Variants in PARD3 observed in about 807,000 individuals in gnomAD.
The protein encoded by PARD3 is partitioning defective 3 homolog.
Under a neutral mutation model 155.4 loss-of-function variants are expected in PARD3, and 75 were observed. That is an observed-to-expected ratio of 0.48 (90% CI 0.40 to 0.58). The LOEUF (loss-of-function observed/expected upper bound fraction) is 0.58. Among genes scored for constraint, PARD3 ranks in the 20% least tolerant of loss-of-function variants. The pLI, the probability that PARD3 is intolerant of heterozygous loss-of-function variation, is 0.00. For synonymous variants in PARD3, 576 were observed against 610.5 expected (o/e 0.94, Z 0.83); for missense variants, 1,642 against 1,721.7 (o/e 0.95, Z 0.82).
chr10:34,758,375 A>G, intron 1 of PARD3, among the ~76,000 whole-genome samples: 1 of 152,202 alleles, frequency 6.6e-6, no homozygotes, highest in East Asian at 1.9e-4. Flanking sequence ...AGAGGTAAGC[A>G]ATTTTTCCAA....
chr10:34,560,556 A>T (rs563917722), intron 2 of PARD3, among the ~76,000 whole-genome samples: 1 of 152,234 alleles, frequency 6.6e-6, no homozygotes, highest in African/African-American at 2.4e-5. Context: ...TATGAGATGC[A>T]TTTTCACAAT....
intron 2 of PARD3, among the ~76,000 whole-genome samples, chr10:34,592,994 C>T (rs2088864451): frequency 6.6e-6 from 1 of 152,132 alleles, no homozygotes. Flanking sequence ...GCTACACATG[C>T]AGAAGGGAAT....
intron 19 of PARD3, among the ~76,000 whole-genome samples, chr10:34,329,884 C>A (rs1294479345): frequency 2.0e-5 from 3 of 151,934 alleles, no homozygotes; most frequent in Admixed American, 2.0e-4. Flanking sequence ...AAGCATTATA[C>A]GTATAAGCAA....
At chr10:34,644,256 C>T (rs1278321817) in intron 2 of PARD3, among the ~76,000 whole-genome samples, 1 of 152,180 alleles carries the variant, frequency 6.6e-6, no homozygotes, top group Non-Finnish European at 1.5e-5. Flanking sequence ...TGCCCTGCAG[C>T]TGAAAACTGA....
At chr10:34,672,588 C>A (rs536469099) in intron 2 of PARD3, among the ~76,000 whole-genome samples, 1 of 152,166 alleles carries the variant, frequency 6.6e-6, no homozygotes, top group Non-Finnish European at 1.5e-5. Flanking sequence ...GAGGCCAAGG[C>A]AGGAGGACTG....
At chr10:34,681,417 T>C (rs1455240422) in intron 2 of PARD3, among the ~76,000 whole-genome samples, 1 of 151,914 alleles carries the variant, frequency 6.6e-6, no homozygotes, top group Non-Finnish European at 1.5e-5. Flanking sequence ...GAGAGAAAGT[T>C]AGAACTAGCC....
At chr10:34,214,962 A>AG (rs1180317006) in intron 22 of PARD3, among the ~76,000 whole-genome samples, 1 of 152,200 alleles carries the variant, frequency 6.6e-6, no homozygotes, top group Non-Finnish European at 1.5e-5. Flanking sequence ...AGTTTTGTTA[A>AG]GGGTTGTCAG....
intron 3 of PARD3, among the ~76,000 whole-genome samples, chr10:34,501,045 A>AC (rs1413986938): frequency 6.6e-6 from 1 of 152,214 alleles, no homozygotes; most frequent in Admixed American, 6.5e-5. Context: ...TCAAGCAACC[A>AC]CAATTATATA....
chr10:34,370,416 C>T (rs1030038069), intron 12 of PARD3, among the ~76,000 whole-genome samples: 6 of 152,032 alleles, frequency 3.9e-5, no homozygotes, highest in East Asian at 1.9e-4. Context: ...TTCCTCAACA[C>T]GACTGACTAC....
chr10:34,701,573 G>A (rs1202633718), intron 1 of PARD3, among the ~76,000 whole-genome samples: 1 of 152,098 alleles, frequency 6.6e-6, no homozygotes, highest in Non-Finnish European at 1.5e-5. Context: ...GGAATGGGGA[G>A]AACCAAGAAT....
intron 2 of PARD3, among the ~76,000 whole-genome samples, chr10:34,579,541 G>C (rs1044341575): frequency 8.8e-6 from 1 of 113,938 alleles, no homozygotes; most frequent in African/African-American, 3.3e-5. Flanking sequence ...ATAAATAAAA[G>C]CTACCATTTT....
At chr10:34,485,855 G>A (rs1370756909) in intron 3 of PARD3, among the ~76,000 whole-genome samples, 1 of 148,558 alleles carries the variant, frequency 6.7e-6, no homozygotes, top group Admixed American at 6.7e-5. Flanking sequence ...CCAGCTACCT[G>A]TCATTTTGTT....
At chr10:34,338,586 T>C (rs1344073403) in intron 16 of PARD3, among the ~76,000 whole-genome samples, 1 of 152,192 alleles carries the variant, frequency 6.6e-6, no homozygotes, top group African/African-American at 2.4e-5. Context: ...AAGCAAGCTT[T>C]TCCAACCCTT....
chr10:34,751,630 GT>G (rs1836045774), intron 1 of PARD3, among the ~76,000 whole-genome samples: 1 of 152,034 alleles, frequency 6.6e-6, no homozygotes, highest in Non-Finnish European at 1.5e-5. Flanking sequence ...TTGAGATGGG[GT>G]CTTGCTCTAT....
intron 14 of PARD3, 94 bp downstream of exon 14, chr10:34,359,053 A>G (rs1839186962): frequency 1.3e-6 from 1 of 783,196 alleles, no homozygotes; most frequent in South Asian, 1.9e-5. Context: ...CTTTTGATGT[A>G]AGGTCCTGGA....
At chr10:34,669,633 A>C (rs935817863) in intron 2 of PARD3, among the ~76,000 whole-genome samples, 14 of 152,144 alleles carry the variant, frequency 9.2e-5, no homozygotes, top group Non-Finnish European at 1.3e-4. Context: ...TACCTTACCT[A>C]CTAACAAAAT....
intron 1 of PARD3, among the ~76,000 whole-genome samples, chr10:34,779,293 T>C (rs1328233296): frequency 2.1e-5 from 3 of 140,640 alleles, no homozygotes; most frequent in Non-Finnish European, 4.7e-5. Flanking sequence ...GTGAAAGAGC[T>C]AGACTCCATC....
chr10:34,330,892 G>A (rs1480490907), intron 19 of PARD3, among the ~76,000 whole-genome samples: 2 of 152,050 alleles, frequency 1.3e-5, no homozygotes, highest in Non-Finnish European at 2.9e-5. Context: ...ATCTAATGCA[G>A]TATCACAGGA....
intron 23 of PARD3, among the ~76,000 whole-genome samples, chr10:34,127,256 T>C (rs1044413567): frequency 1.3e-5 from 2 of 152,236 alleles, no homozygotes; most frequent in African/African-American, 4.8e-5. Flanking sequence ...CGCATGTGGA[T>C]ACAATGTCAG....
Sources: gnomAD v4.1 joint callset for allele counts (sites outside exome capture counted in the v4.1 genomes callset) on GRCh38, gnomAD v4.1.1 for gene constraint, MANE v1.5 for transcripts, NCBI Gene and HGNC (gene_info 2026-07-23, HGNC 2026-07-21) for gene names.